SRGAP3: variants seen among roughly 807,000 people sequenced by gnomAD.
SRGAP3 encodes the protein SLIT-ROBO Rho GTPase activating protein 3.
A neutral mutation model predicts 121.1 loss-of-function variants in SRGAP3; 39 were observed. The ratio of observed to expected loss-of-function variants is 0.32; its 90% CI spans 0.25 to 0.42. SRGAP3 has a LOEUF of 0.42. Ranked by LOEUF, SRGAP3 falls within the 10% of genes least tolerant of loss-of-function variation. The pLI, the probability that SRGAP3 is intolerant of heterozygous loss-of-function variation, is 1.00. For missense variants in SRGAP3, 1,213 were observed against 1,470.6 expected, an observed-to-expected ratio of 0.82 and a Z score of 2.86; for synonymous variants, 601 against 570.0, an observed-to-expected ratio of 1.05 and a Z score of -0.77.
chr3:9,320,205 A>G (rs1559275680), intron 3 of SRGAP3, among the ~76,000 whole-genome samples: 1 of 151,932 alleles, frequency 6.6e-6, no homozygotes, highest in African/African-American at 2.4e-5. Flanking sequence ...CATCCGGACC[A>G]TCTCCCAGGT....
At chr3:9,323,191 T>C (rs1955464822) in intron 3 of SRGAP3, among the ~76,000 whole-genome samples, 1 of 151,878 alleles carries the variant, frequency 6.6e-6, no homozygotes, top group South Asian at 2.1e-4. Context: ...GTGCTGACTA[T>C]AAAGGGACAG....
chr3:9,201,609 T>C (rs112615134), intron 1 of SRGAP3, among the ~76,000 whole-genome samples: 85 of 152,170 alleles, frequency 5.6e-4, no homozygotes, highest in African/African-American at 1.9e-3. Flanking sequence ...CCTTCCTAAC[T>C]AGGGAGTCAG....
At chr3:9,204,984 A>T (rs1221923551) in intron 1 of SRGAP3, among the ~76,000 whole-genome samples, 1 of 152,346 alleles carries the variant, frequency 6.6e-6, no homozygotes, top group Non-Finnish European at 1.5e-5. Flanking sequence ...GGCCATAAAC[A>T]TTGATCACCA....
At chr3:9,047,928 G>A (rs764901225) in intron 9 of SRGAP3, among the ~76,000 whole-genome samples, 54 of 152,246 alleles carry the variant, frequency 3.5e-4, no homozygotes, top group Non-Finnish European at 6.2e-4. Flanking sequence ...GCCTCGGAAC[G>A]AGTCTTCCTT....
intron 3 of SRGAP3, among the ~76,000 whole-genome samples, chr3:9,315,729 A>G (rs1216493323): frequency 6.6e-6 from 1 of 152,202 alleles, no homozygotes; most frequent in Non-Finnish European, 1.5e-5. Context: ...TTAAAGATGT[A>G]CAAAATATGC....
rs1952697139 is a variant in SRGAP3 at position 9,218,225 on chromosome 3, C to T, written c.67+30660G>A. 6.6e-6 allele frequency: 1 copy of T among 152,216 alleles called. No individual in the cohort carries two copies. The highest frequency in any genetic ancestry group is 2.4e-5 in the African/African-American group (1 of 41,438). 9.4% of individuals were successfully genotyped at this position (152,216 alleles called of 1,614,324 possible). On this transcript the variant is annotated intron_variant, in intron 1 of 21. Coordinates refer to ENST00000383836, the MANE Select transcript of SRGAP3 (RefSeq NM_014850.4). This position sits in a 1 kb window ranked among gnomAD's most constrained non-coding sequence, Gnocchi z 5.3. Reference sequence around the variant, plus strand: ...GGAAACAATGCTCTAGGAGAGACCACAGCTGGGCCAGCCAGATTGGTCAAA... The same window carrying T: ...GGAAACAATGCTCTAGGAGAGACCATAGCTGGGCCAGCCAGATTGGTCAAA...
At chr3:9,013,715 G>A (rs1943485950) in intron 16 of SRGAP3, 22 bp downstream of exon 16, 2 of 1,613,306 alleles carry the variant, frequency 1.2e-6, no homozygotes, top group Non-Finnish European at 1.7e-6. Flanking sequence ...GTCAAAAAGG[G>A]GCCCCTTGGC....
chr3:9,329,666 G>A (rs1443462489), intron 2 of SRGAP3, among the ~76,000 whole-genome samples: 1 of 152,170 alleles, frequency 6.6e-6, no homozygotes, highest in African/African-American at 2.4e-5. Flanking sequence ...AGCTCAGGGA[G>A]GCCAGAGCAA....
chr3:9,090,009 G>C (rs1450036035), intron 3 of SRGAP3, among the ~76,000 whole-genome samples: 2 of 152,120 alleles, frequency 1.3e-5, no homozygotes, highest in Non-Finnish European at 2.9e-5. Flanking sequence ...CCTAGATCTA[G>C]TGGTGCCTAA....
intron 3 of SRGAP3, chr3:9,256,654 C>A: frequency 2.5e-6 from 1 of 395,410 alleles, no homozygotes; most frequent in Non-Finnish European, 4.5e-6. Context: ...TTCCAGCCAT[C>A]CACTCCCCAT....
chr3:9,158,518 T>C (rs1330994793), intron 1 of SRGAP3, among the ~76,000 whole-genome samples: 3 of 152,202 alleles, frequency 2.0e-5, no homozygotes, highest in African/African-American at 7.2e-5. Flanking sequence ...ATTGAACTGA[T>C]TCTCAAAAAT....
intron 3 of SRGAP3, among the ~76,000 whole-genome samples, chr3:9,277,789 A>C (rs1954611733): frequency 6.6e-6 from 1 of 152,036 alleles, no homozygotes; most frequent in Non-Finnish European, 1.5e-5. Flanking sequence ...TCAAACATAA[A>C]AATAAAAATA....
chr3:9,014,618 C>G (rs1943540875), intron 15 of SRGAP3: 1 of 153,594 alleles, frequency 6.5e-6, no homozygotes, highest in South Asian at 2.0e-4. Flanking sequence ...CAGGGTCAGA[C>G]CTCTGCAGTC....
At chr3:9,166,882 C>A (rs1307493314) in intron 1 of SRGAP3, among the ~76,000 whole-genome samples, 1 of 152,122 alleles carries the variant, frequency 6.6e-6, no homozygotes, top group Non-Finnish European at 1.5e-5. Context: ...TCCATTCCAT[C>A]CCTTCTTAGA....
At chr3:9,223,746 C>A (rs1952894594) in intron 1 of SRGAP3, among the ~76,000 whole-genome samples, 2 of 152,180 alleles carry the variant, frequency 1.3e-5, no homozygotes, top group Admixed American at 6.5e-5. Flanking sequence ...ATTATGAGGA[C>A]AGACACAAAT....
intron 3 of SRGAP3, among the ~76,000 whole-genome samples, chr3:9,101,613 G>T (rs1948217933): frequency 6.6e-6 from 1 of 152,202 alleles, no homozygotes; most frequent in African/African-American, 2.4e-5. Context: ...CAAAAAACGG[G>T]AAACAGAGAA....
chr3:9,187,880 A>T (rs1461732913), intron 1 of SRGAP3, among the ~76,000 whole-genome samples: 1 of 152,184 alleles, frequency 6.6e-6, no homozygotes, highest in Admixed American at 6.5e-5. Flanking sequence ...TTCACCCTTG[A>T]CAGTGACTAC....
intron 1 of SRGAP3, among the ~76,000 whole-genome samples, chr3:9,358,253 G>C (rs2125297833): frequency 7.0e-6 from 1 of 143,172 alleles, no homozygotes; most frequent in East Asian, 2.0e-4. Flanking sequence ...ACTTCCCCCA[G>C]CCCTAAGCAA....
rs187233754 is a variant in SRGAP3, at chr3:9,046,987, C to T, written c.1408+404G>A. The stretch of plus-strand genomic sequence containing the variant: ...CTGGGACTACAGGCGCCCGCCACCA[C>T]GCCCGGCTAATTTTTTGTATTTTTT... On this transcript the variant is annotated intron_variant, in intron 10 of 21. Transcript: ENST00000383836. Among the ~76,000 whole-genome samples the T allele has an allele frequency of 5.9e-5, 9 of 152,056 alleles. No homozygotes were observed. In the East Asian group the frequency reaches 1.2e-3, roughly 20 times the overall value.
Sources: allele counts gnomAD v4.1 joint callset (sites outside exome capture counted in the v4.1 genomes callset), GRCh38; gene constraint gnomAD v4.1.1; non-coding constraint Gnocchi (gnomAD v3.1); transcripts MANE v1.5; gene names NCBI Gene and HGNC (gene_info 2026-07-23, HGNC 2026-07-21).